The following C2orf42 variants were observed in gnomAD, a reference collection of about 807,000 sequenced individuals.
The protein encoded by C2orf42 is uncharacterized protein C2orf42.
A neutral mutation model predicts 58.9 loss-of-function variants in C2orf42; 44 were observed. The ratio of observed to expected loss-of-function variants is 0.75; its 90% CI spans 0.59 to 0.96. The LOEUF (loss-of-function observed/expected upper bound fraction) is 0.96, where lower values mean the gene tolerates loss of function less well. Among genes scored for constraint, C2orf42 ranks in the 40% least tolerant of loss-of-function variants. The probability of loss-of-function intolerance (pLI) is 0.00; values close to 1 mark genes in which losing one functional copy is unlikely to be tolerated. For synonymous variants in C2orf42, 239 were observed against 265.4 expected (o/e 0.90, Z 0.97); for missense variants, 630 against 699.2 (o/e 0.90, Z 1.12).
Position 70,150,562 on chromosome 2 carries a change from T to C in C2orf42, c.1519A>G (p.Asn507Asp). 8 of 1,611,706 alleles carry C rather than the reference T, an allele frequency of 5.0e-6. No homozygotes were observed. The highest frequency in any genetic ancestry group is 6.8e-6 in the Non-Finnish European group (8 of 1,177,834). The change falls in exon 10 of 10, where the codon AAC becomes GAC. Residue 507 changes from asparagine to aspartate, a missense_variant and splice_region_variant. Coordinates refer to ENST00000264434, the MANE Select transcript of C2orf42 (RefSeq NM_017880.3). The stretch of plus-strand genomic sequence containing the variant: ...GGCTCCTTTTGATCTGGGGAAGTGT[T>C]GCCTAAAGAGAAGAAAGGAGTATTA... ...LELKTFLKVG[N>D]TSPDQKEPTP...
chr2:70,153,032 C>T (rs1396388080), intron 9 of C2orf42, among the ~76,000 whole-genome samples: 1 of 115,380 alleles, frequency 8.7e-6, no homozygotes, highest in South Asian at 2.7e-4. Context: ...GACTCCATCT[C>T]AAAAAAAAAA....
chr2:70,175,678 C>T lies in C2orf42; in HGVS notation c.1034G>A (p.Arg345Lys), dbSNP rs760263850. Residue 345 changes from arginine to lysine, a missense_variant, in exon 5 of 10, where the codon AGG becomes AAG. By Grantham distance (26) the Arg-to-Lys change is conservative. Coordinates refer to ENST00000264434, the MANE Select transcript of C2orf42 (RefSeq NM_017880.3). ...KKPVVASSLK[R>K]QACGQLLDEA... Reference sequence around the variant, plus strand: ...TCTAGGGAAGGGAAACTTACCCTGCCTTTTTAACGAGGAAGCAACCACAGG... The same window carrying T: ...TCTAGGGAAGGGAAACTTACCCTGCTTTTTTAACGAGGAAGCAACCACAGG... 3.7e-6 allele frequency: 6 copies of T among 1,601,384 alleles called. No individual in the cohort carries two copies. The highest frequency in any genetic ancestry group is 5.1e-6 in the Non-Finnish European group (6 of 1,168,642).
At chr2:70,167,818 C>T (rs1009811373) in intron 6 of C2orf42, among the ~76,000 whole-genome samples, 2 of 151,862 alleles carry the variant, frequency 1.3e-5, no homozygotes, top group African/African-American at 4.8e-5. Context: ...GAAACCTGGA[C>T]AAAGGTGGTA....
chr2:70,155,093 A>C (rs1346633621), intron 9 of C2orf42, among the ~76,000 whole-genome samples: 1 of 152,060 alleles, frequency 6.6e-6, no homozygotes, highest in Admixed American at 6.6e-5. Context: ...AAAATACAAA[A>C]ATTAGCTGGG....
chr2:70,160,778 C>A lies in C2orf42; in HGVS notation c.1363G>T (p.Glu455Ter). 1.3e-6 allele frequency: 2 copies of A among 1,594,080 alleles called. No individual in the cohort carries two copies. The highest frequency in any genetic ancestry group is 1.7e-6 in the Non-Finnish European group (2 of 1,173,544). The part of the protein sequence containing the change: ...QILDTPEMPL[E>*]ITRSFIQNRD... ...TTCTGGATAAAGCTACGGGTGATTTCCAAGGGCATCTGGACACCAAGACAA... is the reference window on the plus strand; with the variant it reads ...TTCTGGATAAAGCTACGGGTGATTTACAAGGGCATCTGGACACCAAGACAA... Residue 455 changes from glutamate (E) to a stop codon, truncating the protein, a stop_gained, in exon 9 of 10, where the codon GAA becomes TAA. Transcript: ENST00000264434. LOFTEE classifies it high-confidence loss of function.
intron 8 of C2orf42, 28 bp from the exon 9 acceptor site, chr2:70,160,815 G>A (rs368144536): frequency 6.6e-7 from 1 of 1,512,046 alleles, no homozygotes; most frequent in South Asian, 1.3e-5. Context: ...ACCAAAAAAA[G>A]GTGAGAGAGA....
chr2:70,154,613 GAACA>G (rs1386756492), intron 9 of C2orf42, among the ~76,000 whole-genome samples: 1 of 152,042 alleles, frequency 6.6e-6, no homozygotes, highest in East Asian at 1.9e-4. Flanking sequence ...ACTAAAAGAA[GAACA>G]AATAAGTGTT....
At chr2:70,163,747 G>A (rs950986817) in intron 8 of C2orf42, among the ~76,000 whole-genome samples, 31 of 152,108 alleles carry the variant, frequency 2.0e-4, no homozygotes, top group African/African-American at 6.3e-4. Flanking sequence ...CTACTCAGGA[G>A]GTTGAGGCAT....
At chr2:70,163,997 C>T (rs1400889699) in intron 8 of C2orf42, among the ~76,000 whole-genome samples, 2 of 151,558 alleles carry the variant, frequency 1.3e-5, no homozygotes. Flanking sequence ...TAGCAAGACC[C>T]TATCTTAAAT....
chr2:70,181,000 CAAAAAAAAA>C lies in C2orf42; in HGVS notation c.823+154_823+162del, dbSNP rs58297085. 6.6e-5 allele frequency among the ~76,000 whole-genome samples: 4 copies of C among 60,396 alleles called. No individual in the cohort carries two copies. In the Admixed American group the frequency reaches 7.2e-4, roughly 11 times the overall value. 39.6% of individuals were successfully genotyped at this position (60,396 alleles called of 152,430 possible). On this transcript the variant is annotated intron_variant, in intron 3 of 9. Coordinates refer to ENST00000264434, the MANE Select transcript of C2orf42 (RefSeq NM_017880.3). ...TGGGCAACAAAGTGAGACCTTGTCT[CAAAAAAAAA>C]AAAAAAAAAAAAAAAAAAGAAGGAA...
At chr2:70,187,660 T>C (rs1332044939) in intron 1 of C2orf42, among the ~76,000 whole-genome samples, 1 of 152,334 alleles carries the variant, frequency 6.6e-6, no homozygotes, top group Non-Finnish European at 1.5e-5. Context: ...GCAATAATTT[T>C]AGAAAATTTA....
chr2:70,157,235 A>C (rs1391963886), intron 9 of C2orf42, among the ~76,000 whole-genome samples: 1 of 151,870 alleles, frequency 6.6e-6, no homozygotes, highest in African/African-American at 2.4e-5. Context: ...TGGATGGATC[A>C]CGAGGTCAGG....
intron 6 of C2orf42, among the ~76,000 whole-genome samples, chr2:70,167,424 CA>C (rs1334853316): frequency 6.6e-6 from 1 of 151,284 alleles, no homozygotes; most frequent in Non-Finnish European, 1.5e-5. Flanking sequence ...GGGAGGGGGT[CA>C]AGTGAGTTCA....
At position 70,169,263 on chromosome 2, in the gene C2orf42, A is replaced by G. The variant is rs1038698962; in HGVS notation, c.1144+294T>C. ...TCTCCCTCACCACACACACACACAC[A>G]CACACACACACACACACACGTGCAC... On this transcript the variant is annotated intron_variant, in intron 6 of 9. Coordinates refer to ENST00000264434, the MANE Select transcript of C2orf42 (RefSeq NM_017880.3). 2.6e-5 allele frequency among the ~76,000 whole-genome samples: 4 copies of G among 151,976 alleles called. No homozygotes were observed. In the East Asian group the frequency reaches 7.7e-4, roughly 29 times the overall value.
chr2:70,154,619 A>T (rs946492990), intron 9 of C2orf42, among the ~76,000 whole-genome samples: 19 of 152,118 alleles, frequency 1.2e-4, no homozygotes, highest in African/African-American at 4.3e-4. Context: ...AGAAGAACAA[A>T]TAAGTGTTTC....
In C2orf42 at chr2:70,165,099, G is replaced by A; in HGVS notation, c.1346C>T (p.Thr449Ile). Residue 449 changes from threonine to isoleucine, a missense_variant, in exon 8 of 10, where the codon ACC becomes ATC. Coordinates refer to ENST00000264434, the MANE Select transcript of C2orf42 (RefSeq NM_017880.3). ...NILQVKQILD[T>I]PEMPLEITRS... ...ATAGAAATAAACTCTCACCTCTGGG[G>A]TATCTAAGATTTGTTTAACTTGCAG... 6.4e-7 allele frequency: 1 copy of A among 1,564,332 alleles called. No homozygotes were observed.
chr2:70,180,692 T>C (rs1265949730), intron 3 of C2orf42, among the ~76,000 whole-genome samples: 1 of 150,130 alleles, frequency 6.7e-6, no homozygotes, highest in African/African-American at 2.4e-5. Context: ...TATGCAAGTG[T>C]GCTGACTGAG....
chr2:70,161,417 G>A (rs1257271190), intron 8 of C2orf42, among the ~76,000 whole-genome samples: 1 of 152,170 alleles, frequency 6.6e-6, no homozygotes, highest in Non-Finnish European at 1.5e-5. Flanking sequence ...AGTTGCTTCA[G>A]TGTCTCCCTA....
intron 5 of C2orf42, among the ~76,000 whole-genome samples, chr2:70,173,807 T>C (rs1048369476): frequency 6.6e-6 from 1 of 151,446 alleles, no homozygotes; most frequent in Non-Finnish European, 1.5e-5. Context: ...TTTGTGTTTT[T>C]TTTGGTAGAG....
Sources: allele counts gnomAD v4.1 joint callset (sites outside exome capture counted in the v4.1 genomes callset), GRCh38; gene constraint gnomAD v4.1.1; transcripts MANE v1.5; gene names NCBI Gene and HGNC (gene_info 2026-07-23, HGNC 2026-07-21).